The following SV2C variants were observed in gnomAD, a reference collection of about 807,000 sequenced individuals.
SV2C encodes synaptic vesicle glycoprotein 2C.
SV2C carries 49 observed loss-of-function variants against 79.7 expected under a neutral mutation model. The ratio of observed to expected loss-of-function variants is 0.61; its 90% CI spans 0.49 to 0.78. The LOEUF is 0.78. SV2C is among the 30% of genes least tolerant of loss of function. SV2C has a pLI of 0.00. For synonymous variants in SV2C, 334 were observed against 333.2 expected, an observed-to-expected ratio of 1.00 and a Z score of -0.03; for missense variants, 833 against 912.9, an observed-to-expected ratio of 0.91 and a Z score of 1.13.
intron 4 of SV2C, among the ~76,000 whole-genome samples, chr5:76,213,140 A>G (rs1004946871): frequency 3.3e-5 from 5 of 152,200 alleles, no homozygotes; most frequent in Non-Finnish European, 7.3e-5. Context: ...CCTTATGCCC[A>G]TGCTTTACTA....
the SV2C span, among the ~76,000 whole-genome samples, chr5:76,010,079 C>T: frequency 7.3e-6 from 1 of 137,340 alleles, no homozygotes; most frequent in East Asian, 2.4e-4. Flanking sequence ...TTGTTTTTCA[C>T]TGTTGTATCC....
At chr5:75,851,245 G>A in the SV2C span, among the ~76,000 whole-genome samples, 1 of 152,172 alleles carries the variant, frequency 6.6e-6, no homozygotes, top group Non-Finnish European at 1.5e-5. Flanking sequence ...TCCTCAGCTA[G>A]ATGATATTTT....
chr5:76,223,444 C>CATACATATAT (rs1561271136), intron 4 of SV2C, among the ~76,000 whole-genome samples: 2 of 45,778 alleles, frequency 4.4e-5, no homozygotes, highest in South Asian at 1.1e-3. Flanking sequence ...TACATACATA[C>CATACATATAT]ATATATATAT....
chr5:76,135,884 G>C (rs1183022605), intron 2 of SV2C, among the ~76,000 whole-genome samples: 1 of 152,170 alleles, frequency 6.6e-6, no homozygotes, highest in Non-Finnish European at 1.5e-5. Context: ...GCCATTTTCA[G>C]CTCAGCCCTA....
chr5:75,891,074 A>C, the SV2C span, among the ~76,000 whole-genome samples: 2 of 152,092 alleles, frequency 1.3e-5, no homozygotes, highest in Non-Finnish European at 2.9e-5. Context: ...AGTTGACTGA[A>C]TGTCTTGATT....
chr5:76,345,125 T>A (rs1479320569), intron 12 of SV2C, among the ~76,000 whole-genome samples: 2 of 152,198 alleles, frequency 1.3e-5, no homozygotes, highest in African/African-American at 2.4e-5. Flanking sequence ...AGGGAGAGTG[T>A]CAGCATTCTG....
At chr5:76,151,366 T>C (rs1749598754) in intron 2 of SV2C, among the ~76,000 whole-genome samples, 1 of 152,148 alleles carries the variant, frequency 6.6e-6, no homozygotes, top group African/African-American at 2.4e-5. Flanking sequence ...TGAAATGAAT[T>C]CATTTTGGTG....
the SV2C span, among the ~76,000 whole-genome samples, chr5:75,964,430 G>A: frequency 2.5e-3 from 388 of 152,184 alleles, 3 homozygotes; most frequent in African/African-American, 9.1e-3. Context: ...CTGATATAGT[G>A]GGGGCTCAGC....
intron 1 of SV2C, among the ~76,000 whole-genome samples, chr5:76,102,502 A>T (rs1304029918): frequency 1.3e-5 from 2 of 152,118 alleles, no homozygotes; most frequent in Admixed American, 1.3e-4. Context: ...TCTTGTCTGT[A>T]TTTTGAAGGT....
the SV2C span, among the ~76,000 whole-genome samples, chr5:76,005,496 C>T: frequency 6.6e-6 from 1 of 152,120 alleles, no homozygotes. Context: ...TTTTGGAGAA[C>T]CTCCCTCTAA....
At chr5:76,071,963 C>A in the SV2C span, among the ~76,000 whole-genome samples, 1 of 152,164 alleles carries the variant, frequency 6.6e-6, no homozygotes, top group Non-Finnish European at 1.5e-5. Flanking sequence ...AGCTATAAAT[C>A]ATCTGGATAC....
chr5:75,908,764 G>A, the SV2C span, among the ~76,000 whole-genome samples: 1 of 152,186 alleles, frequency 6.6e-6, no homozygotes, highest in Non-Finnish European at 1.5e-5. Flanking sequence ...CTCTGACACT[G>A]TAGATTTATC....
chr5:76,027,270 C>T, the SV2C span, among the ~76,000 whole-genome samples: 7 of 152,082 alleles, frequency 4.6e-5, no homozygotes, highest in East Asian at 3.9e-4. Flanking sequence ...CCATGTTGTC[C>T]AGGCTGGTCT....
intron 12 of SV2C, chr5:76,353,034 G>T: frequency 2.3e-6 from 1 of 436,392 alleles, no homozygotes. Flanking sequence ...AATCTTAACT[G>T]GGCTCAAGTG....
intron 2 of SV2C, among the ~76,000 whole-genome samples, chr5:76,153,842 G>C (rs1250825004): frequency 6.6e-6 from 1 of 152,178 alleles, no homozygotes. Context: ...TTGAATCCTA[G>C]ATCTGTCAGT....
chr5:75,946,448 A>G, the SV2C span, among the ~76,000 whole-genome samples: 483 of 152,138 alleles, frequency 3.2e-3, 4 homozygotes, highest in Non-Finnish European at 3.1e-3. Flanking sequence ...CTGTTCACCA[A>G]TTCCACATTG....
chr5:75,871,692 C>T, the SV2C span, among the ~76,000 whole-genome samples: 1 of 151,332 alleles, frequency 6.6e-6, no homozygotes, highest in Non-Finnish European at 1.5e-5. Flanking sequence ...ACTGTGATCC[C>T]AACTATTAGG....
At chr5:76,080,464 C>T (rs1164851320), upstream of SV2C, among the ~76,000 whole-genome samples, 4 of 152,072 alleles carry the variant, frequency 2.6e-5, no homozygotes, top group African/African-American at 9.7e-5. Context: ...TTCTCCAAAG[C>T]GCAGGCTTTG....
At chr5:76,002,568 T>C in the SV2C span, among the ~76,000 whole-genome samples, 2 of 152,244 alleles carry the variant, frequency 1.3e-5, no homozygotes, top group Non-Finnish European at 2.9e-5. Flanking sequence ...TTGTATGCTA[T>C]GTGAATTAGA....
Sources: allele counts gnomAD v4.1 joint callset (sites outside exome capture counted in the v4.1 genomes callset), GRCh38; gene constraint gnomAD v4.1.1; transcripts MANE v1.5; gene names NCBI Gene and HGNC (gene_info 2026-07-23, HGNC 2026-07-21).